The following ATP8A2 variants were observed in gnomAD, a reference collection of about 807,000 sequenced individuals.
The protein encoded by ATP8A2 is phospholipid-transporting ATPase IB.
ATP8A2 carries 100 observed loss-of-function variants against 165.6 expected under a neutral mutation model. That is an observed-to-expected ratio of 0.60 (90% CI 0.51 to 0.71). The LOEUF is 0.71. ATP8A2 is among the 30% of genes least tolerant of loss of function. The pLI, the probability that ATP8A2 is intolerant of heterozygous loss-of-function variation, is 0.00. For synonymous variants in ATP8A2, 543 were observed against 548.8 expected, an observed-to-expected ratio of 0.99 and a Z score of 0.15; for missense variants, 1,227 against 1,479.5, an observed-to-expected ratio of 0.83 and a Z score of 2.80.
At chr13:25,862,821 T>C (rs1952397236) in intron 33 of ATP8A2, among the ~76,000 whole-genome samples, 1 of 152,214 alleles carries the variant, frequency 6.6e-6, no homozygotes, top group Non-Finnish European at 1.5e-5. Context: ...CTCTGCTGGG[T>C]CACCTGTGAC....
intron 33 of ATP8A2, among the ~76,000 whole-genome samples, chr13:25,883,164 C>A (rs1953036460): frequency 6.6e-6 from 1 of 152,116 alleles, no homozygotes; most frequent in Non-Finnish European, 1.5e-5. Context: ...CAGCCATTCA[C>A]CCTCAGCTCC....
intron 1 of ATP8A2, among the ~76,000 whole-genome samples, chr13:25,401,848 G>A (rs1447113139): frequency 1.3e-5 from 2 of 152,118 alleles, no homozygotes; most frequent in African/African-American, 2.4e-5. Flanking sequence ...CATCACTACT[G>A]TTGTGCTTTG....
chr13:25,489,184 C>T (rs1477536810), intron 2 of ATP8A2, among the ~76,000 whole-genome samples: 2 of 152,112 alleles, frequency 1.3e-5, no homozygotes, highest in Non-Finnish European at 2.9e-5. Flanking sequence ...GAGGGACCAT[C>T]GCTGCTTCTC....
intron 33 of ATP8A2, among the ~76,000 whole-genome samples, chr13:25,913,544 G>T (rs1355367246): frequency 6.6e-6 from 1 of 152,134 alleles, no homozygotes; most frequent in Non-Finnish European, 1.5e-5. Context: ...AAAGAAAAAG[G>T]TCTGATTTAT....
At chr13:25,778,226 A>G (rs923583338) in intron 27 of ATP8A2, among the ~76,000 whole-genome samples, 1 of 152,220 alleles carries the variant, frequency 6.6e-6, no homozygotes. Flanking sequence ...ATTCCACCCA[A>G]ATGATATTGA....
intron 24 of ATP8A2, among the ~76,000 whole-genome samples, chr13:25,638,658 T>C (rs753914642): frequency 6.6e-6 from 1 of 151,884 alleles, no homozygotes; most frequent in Non-Finnish European, 1.5e-5. Flanking sequence ...ATGGGGAGAA[T>C]GGAACCAAGT....
In ATP8A2 at chr13:25,498,494, A is replaced by T. The variant is rs143434502; in HGVS notation, c.221+29373A>T. ...TGCAGATTCAGTCTCTCAGACATGG[A>T]GTCTACCTTTGTCTTGTTACTGATG... On this transcript the variant is annotated intron_variant, in intron 2 of 36. Transcript: ENST00000381655. 3.2e-3 allele frequency among the ~76,000 whole-genome samples: 487 copies of T among 152,312 alleles called. 5 individuals are homozygous for T. Among genetic ancestry groups the T allele is most frequent in the African/African-American group, 0.011 (463 of 41,564 alleles).
chr13:25,461,780 C>A (rs1181219153), intron 1 of ATP8A2, among the ~76,000 whole-genome samples: 1 of 151,716 alleles, frequency 6.6e-6, no homozygotes, highest in South Asian at 2.1e-4. Flanking sequence ...GCTCAGCAAA[C>A]CATGGCCTGT....
At chr13:25,686,952 G>T (rs2042614662) in intron 24 of ATP8A2, among the ~76,000 whole-genome samples, 1 of 152,132 alleles carries the variant, frequency 6.6e-6, no homozygotes, top group East Asian at 1.9e-4. Context: ...GGCCTTTGGA[G>T]TTTTGTGCAC....
intron 33 of ATP8A2, among the ~76,000 whole-genome samples, chr13:25,892,820 G>A (rs1410800872): frequency 2.1e-5 from 3 of 143,958 alleles, no homozygotes; most frequent in South Asian, 2.1e-4. Flanking sequence ...TTTTTTTTTC[G>A]CATCAAAATG....
chr13:25,642,043 GCCATA>G (rs2041539616), intron 24 of ATP8A2, among the ~76,000 whole-genome samples: 1 of 152,162 alleles, frequency 6.6e-6, no homozygotes, highest in Non-Finnish European at 1.5e-5. Context: ...AAACTGGGTA[GCCATA>G]TGTAGAAAGC....
chr13:25,581,785 C>A (rs751212753), intron 22 of ATP8A2, 34 bp from the exon 23 acceptor site: 1 of 1,604,078 alleles, frequency 6.2e-7, no homozygotes, highest in South Asian at 1.1e-5. Context: ...TAAGTATGTG[C>A]CAATCTTTAA....
intron 10 of ATP8A2, among the ~76,000 whole-genome samples, chr13:25,546,388 T>C (rs1443740436): frequency 1.3e-5 from 2 of 152,192 alleles, no homozygotes; most frequent in African/African-American, 4.8e-5. Flanking sequence ...GTAAAAATAA[T>C]GAGCTTTCAA....
chr13:25,679,594 G>A lies in ATP8A2; in HGVS notation c.2212-19579G>A, dbSNP rs536880880. On this transcript the variant is annotated intron_variant, in intron 24 of 36. Coordinates refer to ENST00000381655, the MANE Select transcript of ATP8A2 (RefSeq NM_016529.6). ...ACATACTTTCAATTCTTGGAGTTTA[G>A]GGATTGTATTAATCTTGTATACCAT... is the stretch of plus-strand genomic sequence containing the variant. 7.2e-5 allele frequency among the ~76,000 whole-genome samples: 11 copies of A among 152,282 alleles called. No homozygotes were observed. In the East Asian group the frequency reaches 2.1e-3, roughly 29 times the overall value.
At chr13:25,512,324 C>T (rs1019318636) in intron 2 of ATP8A2, among the ~76,000 whole-genome samples, 6 of 152,084 alleles carry the variant, frequency 3.9e-5, no homozygotes, top group Non-Finnish European at 5.9e-5. Context: ...CAATCTTTTC[C>T]CCACCTTTCC....
At chr13:25,851,796 T>A (rs1301011583) in intron 30 of ATP8A2, among the ~76,000 whole-genome samples, 1 of 152,172 alleles carries the variant, frequency 6.6e-6, no homozygotes, top group Non-Finnish European at 1.5e-5. Flanking sequence ...TCCAGCTTCA[T>A]GAATTGCGTT....
At chr13:25,552,041 C>T (rs560971552) in intron 11 of ATP8A2, among the ~76,000 whole-genome samples, 1 of 152,234 alleles carries the variant, frequency 6.6e-6, no homozygotes, top group African/African-American at 2.4e-5. Flanking sequence ...GGCTGGAGTG[C>T]AGTGGTGTGA....
chr13:25,555,449 T>C (rs140888209), intron 13 of ATP8A2, among the ~76,000 whole-genome samples: 14 of 152,256 alleles, frequency 9.2e-5, no homozygotes, highest in African/African-American at 2.4e-4. Context: ...TTAAAGGACA[T>C]GCATTTCTCG....
chr13:25,816,717 T>C (rs780848101), intron 27 of ATP8A2, among the ~76,000 whole-genome samples: 1 of 152,188 alleles, frequency 6.6e-6, no homozygotes, highest in Admixed American at 6.5e-5. Context: ...TTTTAAAATA[T>C]ATATATGTGA....
Sources: gnomAD v4.1 joint callset for allele counts (sites outside exome capture counted in the v4.1 genomes callset) on GRCh38, gnomAD v4.1.1 for gene constraint, MANE v1.5 for transcripts, NCBI Gene and HGNC (gene_info 2026-07-23, HGNC 2026-07-21) for gene names.